KCNIP4: variants seen among roughly 807,000 people sequenced by gnomAD.
KCNIP4 encodes the protein potassium voltage-gated channel interacting protein 4.
KCNIP4 carries 12 observed loss-of-function variants against 34.0 expected under a neutral mutation model. The ratio of observed to expected loss-of-function variants is 0.35; its 90% CI spans 0.23 to 0.57. KCNIP4 has a LOEUF of 0.57. Ranked by LOEUF, KCNIP4 falls within the 20% of genes least tolerant of loss-of-function variation. The pLI is 0.83. For missense variants in KCNIP4, 238 were observed against 311.7 expected, an observed-to-expected ratio of 0.76 and a Z score of 1.78; for synonymous variants, 124 against 102.2, an observed-to-expected ratio of 1.21 and a Z score of -1.29.
rs369755046 is a variant in KCNIP4, at chr4:21,526,207, A to G, written c.61+422364T>C. Among the ~76,000 whole-genome samples the G allele has an allele frequency of 9.8e-4, 149 of 152,252 alleles. 3 individuals are homozygous for G. Among genetic ancestry groups the G allele is most frequent in the African/African-American group, 3.5e-3 (147 of 41,560 alleles). ...TCATGACATGGACCCTGTGGTAGGTAACTGAATCATGCAGGTAGGTTTTTC... is the reference window on the plus strand; with the variant it reads ...TCATGACATGGACCCTGTGGTAGGTGACTGAATCATGCAGGTAGGTTTTTC... On this transcript the variant is annotated intron_variant, in intron 1 of 8. Transcript: ENST00000382152.
At chr4:21,039,911 A>C (rs1741799183) in intron 1 of KCNIP4, among the ~76,000 whole-genome samples, 2 of 152,186 alleles carry the variant, frequency 1.3e-5, no homozygotes, top group South Asian at 4.1e-4. Flanking sequence ...ATTTATTAAG[A>C]AAAGAGATTT....
At chr4:21,309,529 A>G (rs1712894057) in intron 1 of KCNIP4, among the ~76,000 whole-genome samples, 1 of 152,204 alleles carries the variant, frequency 6.6e-6, no homozygotes, top group South Asian at 2.1e-4. Context: ...AAAATCTATT[A>G]AAAACAAAAT....
chr4:21,807,016 C>T (rs1259920770), intron 1 of KCNIP4, among the ~76,000 whole-genome samples: 4 of 152,022 alleles, frequency 2.6e-5, no homozygotes, highest in Admixed American at 2.6e-4. Flanking sequence ...TGTTTTCCTG[C>T]AACTAGATGG....
At chr4:21,062,308 C>G (rs1743990884) in intron 1 of KCNIP4, among the ~76,000 whole-genome samples, 1 of 152,008 alleles carries the variant, frequency 6.6e-6, no homozygotes, top group East Asian at 1.9e-4. Flanking sequence ...AAAATATATT[C>G]CATCAGTGAT....
At chr4:21,296,004 C>G (rs1763820722) in intron 1 of KCNIP4, among the ~76,000 whole-genome samples, 1 of 152,100 alleles carries the variant, frequency 6.6e-6, no homozygotes, top group African/African-American at 2.4e-5. Context: ...GTTTGTATCT[C>G]AAAACTCAGC....
chr4:21,423,266 T>G (rs575482267), intron 1 of KCNIP4, among the ~76,000 whole-genome samples: 1 of 152,300 alleles, frequency 6.6e-6, no homozygotes, highest in African/African-American at 2.4e-5. Flanking sequence ...GACTGAGTAT[T>G]TATGTAAAAG....
At chr4:21,384,584 G>A (rs1577275269) in intron 1 of KCNIP4, among the ~76,000 whole-genome samples, 1 of 152,228 alleles carries the variant, frequency 6.6e-6, no homozygotes, top group African/African-American at 2.4e-5. Flanking sequence ...ATAACTTGTA[G>A]CATGTTAAGC....
At chr4:21,591,878 CAATATATGAAGAAAAGG>C (rs1742249391) in intron 1 of KCNIP4, among the ~76,000 whole-genome samples, 1 of 151,892 alleles carries the variant, frequency 6.6e-6, no homozygotes, top group African/African-American at 2.4e-5. Flanking sequence ...TGATAATGTC[CAATATATGAAGAAAAGG>C]AATTAACAGA....
intron 1 of KCNIP4, among the ~76,000 whole-genome samples, chr4:21,757,227 GAAAGAAAGAAAGAAAGAAA>G (rs1717685940): frequency 1.3e-4 from 3 of 23,300 alleles, no homozygotes; most frequent in African/African-American, 6.3e-4. Context: ...AAGAAAGAAA[GAAAGAAAGAAAGAAAGAAA>G]GAAAAGAAAA....
intron 3 of KCNIP4, among the ~76,000 whole-genome samples, chr4:20,849,338 G>T (rs939816125): frequency 6.7e-6 from 1 of 150,296 alleles, no homozygotes; most frequent in Non-Finnish European, 1.5e-5. Flanking sequence ...AGGGGCTGAG[G>T]AGCAGAAATG....
At chr4:21,270,982 T>TC (rs34002052) in intron 1 of KCNIP4, among the ~76,000 whole-genome samples, 4 of 84,758 alleles carry the variant, frequency 4.7e-5, no homozygotes, top group South Asian at 3.7e-4. Context: ...CAAGTCCCTG[T>TC]CCCCAAAAAA....
chr4:21,810,462 G>A (rs531960577), intron 1 of KCNIP4, among the ~76,000 whole-genome samples: 135 of 152,108 alleles, frequency 8.9e-4, no homozygotes, highest in African/African-American at 3.0e-3. Flanking sequence ...AGGCTGAGAC[G>A]GGTGGATCAC....
chr4:21,366,843 T>C (rs1392810337), intron 1 of KCNIP4, among the ~76,000 whole-genome samples: 2 of 152,082 alleles, frequency 1.3e-5, no homozygotes. Context: ...CAGTTTATTA[T>C]GTCAATTATG....
chr4:21,591,391 T>C (rs1742207416), intron 1 of KCNIP4, among the ~76,000 whole-genome samples: 1 of 152,094 alleles, frequency 6.6e-6, no homozygotes, highest in Non-Finnish European at 1.5e-5. Flanking sequence ...AGCCACTGGC[T>C]ATCCTGTGTG....
intron 1 of KCNIP4, among the ~76,000 whole-genome samples, chr4:21,615,311 C>A (rs893894157): frequency 6.6e-6 from 1 of 151,488 alleles, no homozygotes; most frequent in Admixed American, 6.6e-5. Flanking sequence ...GAGGCTGAGG[C>A]GGGCGGATCA....
At chr4:20,978,917 A>G (rs1259821217) in intron 1 of KCNIP4, among the ~76,000 whole-genome samples, 1 of 152,184 alleles carries the variant, frequency 6.6e-6, no homozygotes, top group East Asian at 1.9e-4. Context: ...AATATTTATT[A>G]AATGCAAGCC....
intron 3 of KCNIP4, among the ~76,000 whole-genome samples, chr4:20,779,850 G>A (rs1200174379): frequency 6.6e-6 from 1 of 152,102 alleles, no homozygotes; most frequent in African/African-American, 2.4e-5. Flanking sequence ...TGCCAGAAGA[G>A]GAAGGAAAAG....
At chr4:21,812,722 G>A (rs2109273069) in intron 1 of KCNIP4, among the ~76,000 whole-genome samples, 1 of 152,024 alleles carries the variant, frequency 6.6e-6, no homozygotes, top group Non-Finnish European at 1.5e-5. Flanking sequence ...TCAACCACAA[G>A]AACACACAAA....
intron 1 of KCNIP4, among the ~76,000 whole-genome samples, chr4:21,273,384 A>G (rs1762266114): frequency 6.6e-6 from 1 of 152,114 alleles, no homozygotes; most frequent in Non-Finnish European, 1.5e-5. Flanking sequence ...TATCTCCCAC[A>G]GAAAGTCTGA....
Sources: gnomAD v4.1 joint callset for allele counts (sites outside exome capture counted in the v4.1 genomes callset) on GRCh38, gnomAD v4.1.1 for gene constraint, MANE v1.5 for transcripts, NCBI Gene and HGNC (gene_info 2026-07-23, HGNC 2026-07-21) for gene names.